FXN: variants seen among roughly 807,000 people sequenced by gnomAD.
FXN encodes the protein frataxin, also known as frataxin, mitochondrial.
A neutral mutation model predicts 22.4 loss-of-function variants in FXN; 14 were observed. The ratio of observed to expected loss-of-function variants is 0.62; its 90% confidence interval spans 0.41 to 0.98. The LOEUF is 0.98. FXN is among the 50% of genes least tolerant of loss of function. The pLI is 0.00. For missense variants in FXN, 267 were observed against 268.4 expected (o/e 0.99, Z 0.04); for synonymous variants, 120 against 114.1 (o/e 1.05, Z -0.33).
Position 69,078,949 on chromosome 9 carries a change from G to A in FXN, c.*6187G>A, listed in dbSNP as rs544792197. ...GAGGCTAGGACTATGTGTCTCCTTT[G>A]TTGACTGCTGTTGCCCTAGCATCTT... is the stretch of plus-strand genomic sequence containing the variant. On this transcript the variant is annotated 3_prime_UTR_variant, in exon 5 of 5. Transcript: ENST00000484259. 165 of 944,118 alleles carry A rather than the reference G, an allele frequency of 1.7e-4. No homozygotes were observed. Among genetic ancestry groups the A allele is most frequent in the Admixed American group, 3.7e-4 (6 of 16,224 alleles). The allele number at this position is 944,118 out of a possible 1,614,324, so 58.5% of individuals were successfully genotyped here.
In FXN at chr9:69,075,698, G is replaced by T; in HGVS notation, c.*2936G>T. On this transcript the variant is annotated 3_prime_UTR_variant, in exon 5 of 5. Transcript: ENST00000484259. ...ACTGTAACATACTGGAGGAGGTGAG[G>T]AATTGCATAATACAATCTTAGAAAA... The T allele has an allele frequency of 1.0e-6, 1 of 985,296 alleles. No homozygotes were observed. Among genetic ancestry groups the T allele is most frequent in the Non-Finnish European group, 1.2e-6 (1 of 829,868 alleles). 61.0% of individuals were successfully genotyped at this position (985,296 alleles called of 1,614,324 possible).
At chr9:69,072,471 A>G in intron 4 of FXN, 141 bp from the exon 5 acceptor site, 1 of 1,377,824 alleles carries the variant, frequency 7.3e-7, no homozygotes, top group Non-Finnish European at 1.0e-6. Context: ...TAAGATAAGA[A>G]GGCAGATATA....
chr9:69,042,146 G>C (rs1831668465), intron 1 of FXN, among the ~76,000 whole-genome samples: 1 of 151,704 alleles, frequency 6.6e-6, no homozygotes, highest in African/African-American at 2.4e-5. Flanking sequence ...GCTGAGGCAG[G>C]AGAATCACTT....
chr9:69,066,426 A>C (rs556929810), intron 4 of FXN, among the ~76,000 whole-genome samples: 28 of 152,276 alleles, frequency 1.8e-4, no homozygotes, highest in African/African-American at 6.5e-4. Flanking sequence ...AGTGTGCTAG[A>C]GTTCAACAAA....
At chr9:69,058,317 C>A (rs1832000681) in intron 3 of FXN, among the ~76,000 whole-genome samples, 1 of 152,150 alleles carries the variant, frequency 6.6e-6, no homozygotes, top group Admixed American at 6.6e-5. Flanking sequence ...GCTGTGGAGT[C>A]CGCTCTACTT....
intron 2 of FXN, among the ~76,000 whole-genome samples, chr9:69,052,776 G>A (rs974339360): frequency 5.3e-5 from 8 of 151,610 alleles, no homozygotes; most frequent in Non-Finnish European, 8.8e-5. Context: ...TCTCCTGACC[G>A]TGTTATCTGC....
At chr9:69,053,452 C>T (rs1361673050) in intron 3 of FXN, among the ~76,000 whole-genome samples, 192 bp downstream of exon 3, 3 of 150,778 alleles carry the variant, frequency 2.0e-5, no homozygotes, top group Non-Finnish European at 4.4e-5. Flanking sequence ...GCCTGGGTGA[C>T]AGAGCGAGAC....
At position 69,078,631 on chromosome 9, in the gene FXN, C is replaced by A. The variant is rs939094080; in HGVS notation, c.*5869C>A. ...TTATGCTTTTCTACCCCCTCACACTCAACACTTTGACTCCAGCAATCCCAA... is the reference window on the plus strand; with the variant it reads ...TTATGCTTTTCTACCCCCTCACACTAAACACTTTGACTCCAGCAATCCCAA... On this transcript the variant is annotated 3_prime_UTR_variant, in exon 5 of 5. Transcript: ENST00000484259. The A allele has an allele frequency of 6.1e-6, 6 of 985,896 alleles. No homozygotes were observed. In the East Asian group the frequency reaches 5.7e-4, roughly 93 times the overall value. The allele number at this position is 985,896 out of a possible 1,614,324, so 61.1% of individuals were successfully genotyped here. A position where few individuals can be genotyped will look rare whatever the true frequency, so the allele number is the denominator to read the frequency against.
chr9:69,076,070 A>C lies in FXN; in HGVS notation c.*3308A>C, dbSNP rs1423737434. ...GAACCTCAGCCACATAGAAAATAAA[A>C]TGTTCTGGCATGACTTATTTAGCTC... is the stretch of plus-strand genomic sequence containing the variant. On this transcript the variant is annotated 3_prime_UTR_variant, in exon 5 of 5. Coordinates refer to ENST00000484259, the MANE Select transcript of FXN (RefSeq NM_000144.5). 12 of 984,252 alleles carry C rather than the reference A, an allele frequency of 1.2e-5. No individual in the cohort carries two copies. The highest frequency in any genetic ancestry group is 1.4e-5 in the Non-Finnish European group (12 of 828,990). The allele number at this position is 984,252 out of a possible 1,614,324, so 61.0% of individuals were successfully genotyped here. A position where few individuals can be genotyped will look rare whatever the true frequency, so the allele number is the denominator to read the frequency against.
Position 69,046,423 on chromosome 9 carries a change from C to G in FXN, c.204C>G (p.Val68=), listed in dbSNP as rs1477574895. Residue 68 remains valine, a synonymous_variant, in exon 2 of 5, where the codon GTC becomes GTG. Transcript: ENST00000484259. ...NQRGLNQIWN[V]KKQSVYLMNL... ...GTGGCCTCAACCAGATTTGGAATGT[C>G]AAAAAGCAGAGTGTCTATTTGATGA... 1 of 1,614,062 alleles carries G rather than the reference C, an allele frequency of 6.2e-7. No homozygotes were observed. Among genetic ancestry groups the G allele is most frequent in the Non-Finnish European group, 8.5e-7 (1 of 1,179,998 alleles).
chr9:69,073,222 T>A lies in FXN; in HGVS notation c.*460T>A. 2 of 1,038,200 alleles carry A rather than the reference T, an allele frequency of 1.9e-6. No individual in the cohort carries two copies. The highest frequency in any genetic ancestry group is 2.3e-6 in the Non-Finnish European group (2 of 862,338). 64.3% of individuals were successfully genotyped at this position (1,038,200 alleles called of 1,614,324 possible). On this transcript the variant is annotated 3_prime_UTR_variant, in exon 5 of 5. Coordinates refer to ENST00000484259, the MANE Select transcript of FXN (RefSeq NM_000144.5). ...GACACATTAAAGGGTAGCCTACAAATGTTTTCAGGCTTCTTTCAAAGTGTA... is the reference window on the plus strand; with the variant it reads ...GACACATTAAAGGGTAGCCTACAAAAGTTTTCAGGCTTCTTTCAAAGTGTA...
Position 69,075,937 on chromosome 9 carries a change from T to C in FXN, c.*3175T>C, listed in dbSNP as rs1412406516. The C allele has an allele frequency of 1.3e-6, 1 of 799,414 alleles. No individual in the cohort carries two copies. The highest frequency in any genetic ancestry group is 1.5e-6 in the Non-Finnish European group (1 of 661,230). The allele number at this position is 799,414 out of a possible 1,614,324, so 49.5% of individuals were successfully genotyped here. The stretch of plus-strand genomic sequence containing the variant: ...CCAGGCTGGTCTCTAACACTTAGGC[T>C]CAAGTGATCCACCTGCCTCGTCCTC... On this transcript the variant is annotated 3_prime_UTR_variant, in exon 5 of 5. Transcript: ENST00000484259.
At chr9:69,047,827 C>G (rs1831787460) in intron 2 of FXN, among the ~76,000 whole-genome samples, 1 of 152,136 alleles carries the variant, frequency 6.6e-6, no homozygotes. Context: ...AAGCAATCCT[C>G]CTGCCTCAGC....
At chr9:69,067,091 T>A (rs1832180566) in intron 4 of FXN, among the ~76,000 whole-genome samples, 1 of 152,206 alleles carries the variant, frequency 6.6e-6, no homozygotes, top group South Asian at 2.1e-4. Context: ...CTCTCAGTGC[T>A]TCTGTGGGAA....
chr9:69,041,407 A>C (rs1831654719), intron 1 of FXN, among the ~76,000 whole-genome samples: 1 of 152,150 alleles, frequency 6.6e-6, no homozygotes. Context: ...AAATCACACT[A>C]TCCAGGTTCC....
At chr9:69,051,292 C>G (rs1461226176) in intron 2 of FXN, among the ~76,000 whole-genome samples, 1 of 152,070 alleles carries the variant, frequency 6.6e-6, no homozygotes, top group Admixed American at 6.6e-5. Flanking sequence ...GACGGGGTCT[C>G]TGTTGTCTCA....
At chr9:69,037,358 C>T (rs1831581203) in intron 1 of FXN, among the ~76,000 whole-genome samples, 1 of 151,304 alleles carries the variant, frequency 6.6e-6, no homozygotes, top group Admixed American at 6.6e-5. Context: ...CCCAGCTACT[C>T]CAGAGGCTGC....
chr9:69,042,986 T>C (rs1454621966), intron 1 of FXN, among the ~76,000 whole-genome samples: 1 of 152,222 alleles, frequency 6.6e-6, no homozygotes, highest in Non-Finnish European at 1.5e-5. Context: ...TCCTCATCTG[T>C]AAAACACAAC....
Position 69,073,175 on chromosome 9 carries a change from T to C in FXN, c.*413T>C. The C allele has an allele frequency of 9.1e-7, 1 of 1,099,636 alleles. No homozygotes were observed. The highest frequency in any genetic ancestry group is 2.6e-5 in the South Asian group (1 of 38,200). 68.1% of individuals were successfully genotyped at this position (1,099,636 alleles called of 1,614,324 possible). ...CATGAAGAGCAGCTGGTCAACCTGC[T>C]CACTGTTCTATCTCCAAATGAGACA... On this transcript the variant is annotated 3_prime_UTR_variant, in exon 5 of 5. Coordinates refer to ENST00000484259, the MANE Select transcript of FXN (RefSeq NM_000144.5).
Sources: gnomAD v4.1 joint callset for allele counts (sites outside exome capture counted in the v4.1 genomes callset) on GRCh38, gnomAD v4.1.1 for gene constraint, MANE v1.5 for transcripts, NCBI Gene and HGNC (gene_info 2026-07-23, HGNC 2026-07-21) for gene names.